The following ERC2 variants were observed in gnomAD, a reference collection of about 807,000 sequenced individuals.
ERC2 encodes the protein ELKS/RAB6-interacting/CAST family member 2.
ERC2 carries 42 observed loss-of-function variants against 114.8 expected under a neutral mutation model. That is an observed-to-expected ratio of 0.37 (90% CI 0.29 to 0.47). The LOEUF (loss-of-function observed/expected upper bound fraction) is 0.47, where lower values mean the gene tolerates loss of function less well. ERC2 is among the 20% of genes least tolerant of loss of function. The pLI, the probability that ERC2 is intolerant of heterozygous loss-of-function variation, is 0.99. For missense variants in ERC2, 939 were observed against 1,150.7 expected (o/e 0.82, Z 2.66); for synonymous variants, 454 against 425.5 (o/e 1.07, Z -0.82).
At chr3:55,664,553 G>C (rs1210793798) in intron 17 of ERC2, among the ~76,000 whole-genome samples, 1 of 152,206 alleles carries the variant, frequency 6.6e-6, no homozygotes, top group African/African-American at 2.4e-5. Flanking sequence ...CTTGCTGGGT[G>C]GTGGGGAGGA....
chr3:56,299,111 T>TTTTTTTTTG (rs2055667351), intron 2 of ERC2, among the ~76,000 whole-genome samples: 1 of 136,488 alleles, frequency 7.3e-6, no homozygotes, highest in African/African-American at 2.9e-5. Context: ...TTTTTGTTTT[T>TTTTTTTTTG]TTTTTTTGTT....
At chr3:55,530,772 C>T (rs550265631) in intron 17 of ERC2, among the ~76,000 whole-genome samples, 1 of 152,166 alleles carries the variant, frequency 6.6e-6, no homozygotes, top group Non-Finnish European at 1.5e-5. Flanking sequence ...CCACCACTGT[C>T]ACTTGCTCAT....
intron 15 of ERC2, among the ~76,000 whole-genome samples, chr3:55,710,903 G>A (rs929246963): frequency 9.9e-5 from 15 of 152,152 alleles, no homozygotes; most frequent in African/African-American, 3.6e-4. Flanking sequence ...GGCTCCAAGA[G>A]GGGGAAGGTT....
At chr3:56,159,554 G>A (rs972056729) in intron 4 of ERC2, among the ~76,000 whole-genome samples, 1 of 152,110 alleles carries the variant, frequency 6.6e-6, no homozygotes, top group Admixed American at 6.5e-5. Context: ...GTACAGGTTT[G>A]TTACTCGGGT....
intron 17 of ERC2, among the ~76,000 whole-genome samples, chr3:55,570,849 C>T (rs553655578): frequency 6.6e-6 from 1 of 152,212 alleles, no homozygotes; most frequent in East Asian, 1.9e-4. Context: ...AGAAGTGGGC[C>T]GGGCGCAGTG....
At chr3:56,169,763 T>C (rs2082533744) in intron 4 of ERC2, among the ~76,000 whole-genome samples, 1 of 150,940 alleles carries the variant, frequency 6.6e-6, no homozygotes. Flanking sequence ...AAAAAGGGGG[T>C]TGAGATTATT....
intron 6 of ERC2, among the ~76,000 whole-genome samples, chr3:56,103,721 ATTT>A (rs1422327313): frequency 6.6e-6 from 1 of 151,886 alleles, no homozygotes; most frequent in African/African-American, 2.4e-5. Flanking sequence ...ATCTGAAATA[ATTT>A]AACAAAAAAA....
Position 56,434,238 on chromosome 3 carries a change from C to A in ERC2, c.657+113G>T, listed in dbSNP as rs935607407. 5.6e-6 allele frequency: 5 copies of A among 898,808 alleles called. No individual in the cohort carries two copies. The African/African-American group carries it at 6.6e-5, about 12-fold the overall frequency. The allele number at this position is 898,808 out of a possible 1,614,324, so 55.7% of individuals were successfully genotyped here. A position where few individuals can be genotyped will look rare whatever the true frequency, so the allele number is the denominator to read the frequency against. Reference sequence around the variant, plus strand: ...AAGTCAAACACATACTAAGCCATAACCTTCTTGATGATGCCAAACTTTCTT... The same window carrying A: ...AAGTCAAACACATACTAAGCCATAAACTTCTTGATGATGCCAAACTTTCTT... On this transcript the variant is annotated intron_variant, in intron 2 of 17. Coordinates refer to ENST00000288221, the MANE Select transcript of ERC2 (RefSeq NM_015576.3).
intron 17 of ERC2, among the ~76,000 whole-genome samples, chr3:55,659,803 T>G (rs1424694774): frequency 1.3e-5 from 2 of 152,016 alleles, no homozygotes; most frequent in Non-Finnish European, 2.9e-5. Context: ...CCCCTGGGGC[T>G]GGGCTATTCT....
chr3:56,249,487 A>G (rs922484353), intron 3 of ERC2, among the ~76,000 whole-genome samples: 34 of 151,456 alleles, frequency 2.2e-4, no homozygotes, highest in Non-Finnish European at 2.5e-4. Flanking sequence ...CACCACGCCC[A>G]GCTAATTTTT....
At chr3:55,871,001 C>G (rs747457797) in intron 14 of ERC2, among the ~76,000 whole-genome samples, 7 of 152,186 alleles carry the variant, frequency 4.6e-5, no homozygotes, top group Non-Finnish European at 1.0e-4. Flanking sequence ...CTAGAGCAAA[C>G]AGATTTGAAA....
chr3:56,300,280 C>CAAAAAAAAAAAAAAAAAAAAAA (rs200816892), intron 2 of ERC2, among the ~76,000 whole-genome samples: 2 of 93,206 alleles, frequency 2.1e-5, no homozygotes, highest in South Asian at 3.2e-4. Flanking sequence ...TCATGAAATA[C>CAAAAAAAAAAAAAAAAAAAAAA]AAAAAAAAAA....
Position 55,984,739 on chromosome 3 carries a change from C to A in ERC2, c.2267+1238G>T, listed in dbSNP as rs116601928. Among the ~76,000 whole-genome samples, 343 of 152,222 alleles carry A rather than the reference C, an allele frequency of 2.3e-3. 3 individuals carry two copies. The highest frequency in any genetic ancestry group is 7.9e-3 in the African/African-American group (329 of 41,518). On this transcript the variant is annotated intron_variant, in intron 12 of 17. Transcript: ENST00000288221. ...TAATCTCTGATCAGATCTCTTGGAA[C>A]TTTTGAGAATGACGCTTTCCTGCAC...
chr3:56,363,684 A>C (rs1205836343), intron 2 of ERC2, among the ~76,000 whole-genome samples: 1 of 152,164 alleles, frequency 6.6e-6, no homozygotes, highest in Non-Finnish European at 1.5e-5. Flanking sequence ...TTTAAAAGTC[A>C]AATTGGGCAA....
rs879058367 is a variant in ERC2, at chr3:56,463,057, T to C, written c.-141+5191A>G. Among the ~76,000 whole-genome samples, 4 of 152,192 alleles carry C rather than the reference T, an allele frequency of 2.6e-5. No homozygotes were observed. In the East Asian group the frequency reaches 7.7e-4, roughly 29 times the overall value. ...GCCTGGGCAACATGGGGAAATCTCA[T>C]CTTTACAAAAGTATACAAAAATCAG... On this transcript the variant is annotated intron_variant, in intron 1 of 17. Coordinates refer to ENST00000288221, the MANE Select transcript of ERC2 (RefSeq NM_015576.3).
intron 13 of ERC2, among the ~76,000 whole-genome samples, chr3:55,943,025 G>T (rs1263858936): frequency 6.6e-6 from 1 of 152,214 alleles, no homozygotes; most frequent in African/African-American, 2.4e-5. Context: ...ATGTCAGTGT[G>T]TCATGCACTG....
At chr3:55,772,077 GT>G (rs11285288) in intron 14 of ERC2, among the ~76,000 whole-genome samples, 23,667 of 152,090 alleles carry the variant, frequency 0.16, 2,016 homozygotes, top group East Asian at 0.22. Flanking sequence ...ATGCCCAAAG[GT>G]TAGTATGGTA....
chr3:55,622,250 T>G (rs2059359593), intron 17 of ERC2, among the ~76,000 whole-genome samples: 1 of 152,128 alleles, frequency 6.6e-6, no homozygotes, highest in South Asian at 2.1e-4. Flanking sequence ...ATATAACAAA[T>G]ATGAAGTGCT....
intron 15 of ERC2, among the ~76,000 whole-genome samples, chr3:55,720,046 C>T (rs2064365233): frequency 1.4e-5 from 1 of 70,464 alleles, no homozygotes; most frequent in East Asian, 5.5e-4. Flanking sequence ...CACCTCACCT[C>T]CCCATCCCCT....
Sources: gnomAD v4.1 joint callset for allele counts (sites outside exome capture counted in the v4.1 genomes callset) on GRCh38, gnomAD v4.1.1 for gene constraint, MANE v1.5 for transcripts, NCBI Gene and HGNC (gene_info 2026-07-23, HGNC 2026-07-21) for gene names.